Variants in KCNMA1 observed in about 807,000 individuals in gnomAD.
The protein encoded by KCNMA1 is Calcium-activated potassium channel subunit alpha-1.
In KCNMA1, 29 loss-of-function variants were observed where a neutral mutation model predicts 140.0. The observed-to-expected ratio is 0.21, with a 90% CI of 0.15 to 0.28. The LOEUF (loss-of-function observed/expected upper bound fraction) is 0.28, where lower values mean the gene tolerates loss of function less well. KCNMA1 is among the 10% of genes least tolerant of loss of function. The pLI, the probability that KCNMA1 is intolerant of heterozygous loss-of-function variation, is 1.00. For missense variants in KCNMA1, 880 were observed against 1,602.2 expected (o/e 0.55, Z 7.70); for synonymous variants, 612 against 611.9 (o/e 1.00, Z 0.00).
intron 23 of KCNMA1, among the ~76,000 whole-genome samples, chr10:76,927,590 A>G (rs912471395): frequency 3.9e-5 from 6 of 152,250 alleles, no homozygotes; most frequent in African/African-American, 1.4e-4. Context: ...TGCAAATGAC[A>G]TAGGCTTAAT....
intron 18 of KCNMA1, among the ~76,000 whole-genome samples, chr10:77,006,124 C>T (rs1385892738): frequency 6.6e-6 from 1 of 152,168 alleles, no homozygotes; most frequent in African/African-American, 2.4e-5. Flanking sequence ...GCATCAGCAA[C>T]CAAATTGTCA....
chr10:77,637,576 G>C lies in KCNMA1; in HGVS notation c.67C>G (p.Leu23Val), dbSNP rs1207531380. Residue 23 changes from leucine (L) to valine (V), a missense_variant, in exon 1 of 28, where the codon CTT becomes GTT. This residue lies in a region of KCNMA1 where 94 missense variants were observed against 92.4 expected (regional missense o/e 1.02). Transcript: ENST00000286628. The stretch of plus-strand genomic sequence containing the variant: ...GCGTGGATATTGCTACTCATTCTAA[G>C]ACTGCTGCCTCCGCCGCCGCCGCCG... ...GGGGGGGGSS[L>V]RMSSNIHANH... The C allele has an allele frequency of 1.3e-6, 2 of 1,536,692 alleles. No individual in the cohort carries two copies. Among genetic ancestry groups the C allele is most frequent in the African/African-American group, 1.4e-5 (1 of 72,680 alleles).
At chr10:76,964,744 G>T (rs1037023351) in intron 20 of KCNMA1, among the ~76,000 whole-genome samples, 1 of 152,106 alleles carries the variant, frequency 6.6e-6, no homozygotes. Flanking sequence ...CCCCACGAAA[G>T]GTTTGAGTCA....
intron 1 of KCNMA1, among the ~76,000 whole-genome samples, chr10:77,629,693 C>A (rs937983730): frequency 2.0e-5 from 3 of 152,134 alleles, no homozygotes; most frequent in African/African-American, 7.2e-5. Flanking sequence ...CTAATAAAAG[C>A]CCTAACAAGC....
At chr10:77,065,989 A>G (rs1352831180) in intron 14 of KCNMA1, among the ~76,000 whole-genome samples, 2 of 152,178 alleles carry the variant, frequency 1.3e-5, no homozygotes, top group African/African-American at 4.8e-5. Flanking sequence ...TAACATAAGA[A>G]GCAGGAGAAC....
intron 2 of KCNMA1, among the ~76,000 whole-genome samples, chr10:77,314,708 T>C (rs2080277549): frequency 6.6e-6 from 1 of 152,142 alleles, no homozygotes; most frequent in African/African-American, 2.4e-5. Context: ...GGTGAACCCA[T>C]GTTAGCTCCT....
At chr10:76,952,803 T>C (rs1418342265) in intron 21 of KCNMA1, among the ~76,000 whole-genome samples, 1 of 152,194 alleles carries the variant, frequency 6.6e-6, no homozygotes, top group Non-Finnish European at 1.5e-5. Context: ...GAACAGTCCT[T>C]GTTTAGGAAG....
chr10:77,497,092 A>T (rs1034822085), intron 1 of KCNMA1, among the ~76,000 whole-genome samples: 3 of 152,142 alleles, frequency 2.0e-5, no homozygotes, highest in Non-Finnish European at 4.4e-5. Context: ...CGAACTAACC[A>T]TGGGAGTTCA....
chr10:76,879,735 C>T (rs2033821660), intron 29 of KCNMA1, among the ~76,000 whole-genome samples: 1 of 152,114 alleles, frequency 6.6e-6, no homozygotes, highest in Non-Finnish European at 1.5e-5. Flanking sequence ...AATTTCAGCT[C>T]CATTTAAAAA....
chr10:77,442,466 G>T (rs2097428138), intron 1 of KCNMA1, among the ~76,000 whole-genome samples: 1 of 152,092 alleles, frequency 6.6e-6, no homozygotes, highest in Non-Finnish European at 1.5e-5. Context: ...ACCTGGCATG[G>T]AAGTCAGATG....
At chr10:77,343,744 T>G (rs1407286745) in intron 2 of KCNMA1, among the ~76,000 whole-genome samples, 1 of 151,944 alleles carries the variant, frequency 6.6e-6, no homozygotes, top group Non-Finnish European at 1.5e-5. Flanking sequence ...CAGGAAAAGG[T>G]AAGTAAGTTA....
intron 3 of KCNMA1, among the ~76,000 whole-genome samples, chr10:77,195,468 CT>C (rs1284517249): frequency 1.3e-5 from 2 of 152,138 alleles, no homozygotes; most frequent in East Asian, 3.8e-4. Flanking sequence ...TTATTAACCC[CT>C]ATGATTATAC....
At chr10:77,114,904 ATC>A (rs1273980008) in intron 6 of KCNMA1, among the ~76,000 whole-genome samples, 1 of 152,174 alleles carries the variant, frequency 6.6e-6, no homozygotes, top group Non-Finnish European at 1.5e-5. Context: ...TGGTCAGTTC[ATC>A]TCTGTTATGA....
At chr10:77,277,844 G>A (rs1405094554) in intron 2 of KCNMA1, among the ~76,000 whole-genome samples, 1 of 152,146 alleles carries the variant, frequency 6.6e-6, no homozygotes, top group African/African-American at 2.4e-5. Flanking sequence ...AAGCTGCCTG[G>A]GAAGTCTGCA....
intron 14 of KCNMA1, among the ~76,000 whole-genome samples, chr10:77,049,543 G>A (rs1198494594): frequency 3.3e-5 from 5 of 152,182 alleles, no homozygotes; most frequent in Non-Finnish European, 5.9e-5. Context: ...TAAAGGAAGA[G>A]CTGTCTTACT....
chr10:77,179,575 C>A (rs145678636), intron 5 of KCNMA1, among the ~76,000 whole-genome samples: 2 of 152,272 alleles, frequency 1.3e-5, no homozygotes, highest in African/African-American at 4.8e-5. Flanking sequence ...GGGATGCCAA[C>A]ACAACACAGC....
At chr10:76,963,863 A>G (rs1446141819) in intron 20 of KCNMA1, among the ~76,000 whole-genome samples, 2 of 152,162 alleles carry the variant, frequency 1.3e-5, no homozygotes, top group Non-Finnish European at 2.9e-5. Context: ...ATGTTCAAGA[A>G]TATCAGGCCA....
At chr10:77,086,364 A>G (rs1595662253) in intron 11 of KCNMA1, 124 bp downstream of exon 11, 1 of 747,228 alleles carries the variant, frequency 1.3e-6, no homozygotes, top group East Asian at 2.6e-5. Context: ...GATTGATCTC[A>G]TTAGGTGTTT....
chr10:77,340,744 G>A (rs1412923725), intron 2 of KCNMA1, among the ~76,000 whole-genome samples: 1 of 152,000 alleles, frequency 6.6e-6, no homozygotes, highest in African/African-American at 2.4e-5. Context: ...GATAGCATTA[G>A]GAGATATACC....
Sources: allele counts gnomAD v4.1 joint callset (sites outside exome capture counted in the v4.1 genomes callset), GRCh38; gene constraint gnomAD v4.1.1; regional missense constraint gnomAD v4.1.1; transcripts MANE v1.5; gene names NCBI Gene and HGNC (gene_info 2026-07-23, HGNC 2026-07-21).